The following TNRC6C variants were observed in gnomAD, a reference collection of about 807,000 sequenced individuals.
TNRC6C encodes trinucleotide repeat-containing gene 6C protein.
Under a neutral mutation model 153.7 loss-of-function variants are expected in TNRC6C, and 20 were observed. That is an observed-to-expected ratio of 0.13 (90% CI 0.09 to 0.19). TNRC6C has a LOEUF of 0.19. TNRC6C is among the 10% of genes least tolerant of loss of function. TNRC6C has a pLI of 1.00. For synonymous variants in TNRC6C, 811 were observed against 841.4 expected, an observed-to-expected ratio of 0.96 and a Z score of 0.63; for missense variants, 1,987 against 2,172.0, an observed-to-expected ratio of 0.91 and a Z score of 1.69.
chr17:77,976,663 T>G (rs896941923), intron 1 of TNRC6C, among the ~76,000 whole-genome samples: 6 of 152,126 alleles, frequency 3.9e-5, no homozygotes, highest in African/African-American at 1.4e-4. Context: ...ATACGGTGGC[T>G]CATGCCTGTA....
At chr17:78,102,270 G>A (rs1026190532) in intron 17 of TNRC6C, among the ~76,000 whole-genome samples, 3 of 152,160 alleles carry the variant, frequency 2.0e-5, no homozygotes, top group East Asian at 1.9e-4. Context: ...GAGTCACCAC[G>A]GGGAAGTGGG....
chr17:78,108,152 T>C (rs2073737780), exon 20 of TNRC6C: 1 of 152,290 alleles, frequency 6.6e-6, no homozygotes, highest in African/African-American at 2.4e-5. Context: ...CAAGGATCTT[T>C]TTTCTGTCTG....
Position 78,082,840 on chromosome 17 carries a change from C to T in TNRC6C, c.3358-207C>T, listed in dbSNP as rs567009128. On this transcript the variant is annotated intron_variant, in intron 10 of 19. Transcript: ENST00000301624. ...GCGCTGTTGGCTCATTCTGGCAGCCCAACCTTGCATTGTCTTTACACAGTC... is the reference window on the plus strand; with the variant it reads ...GCGCTGTTGGCTCATTCTGGCAGCCTAACCTTGCATTGTCTTTACACAGTC... 6.6e-5 allele frequency among the ~76,000 whole-genome samples: 10 copies of T among 152,184 alleles called. No homozygotes were observed. In the East Asian group the frequency reaches 1.5e-3, roughly 23 times the overall value.
intron 1 of TNRC6C, among the ~76,000 whole-genome samples, chr17:77,978,984 T>C (rs183331341): frequency 1.2e-4 from 19 of 152,292 alleles, no homozygotes; most frequent in Admixed American, 7.8e-4. Context: ...CACAGTTTTG[T>C]GCATGCAAGA....
At chr17:78,082,962 C>A in intron 10 of TNRC6C, 85 bp from the exon 13 acceptor site, 1 of 1,502,856 alleles carries the variant, frequency 6.7e-7, no homozygotes. Context: ...ATCATTTAAT[C>A]ATTTTTGAAT....
intron 1 of TNRC6C, among the ~76,000 whole-genome samples, chr17:78,019,147 T>C (rs572202017): frequency 6.6e-6 from 1 of 152,188 alleles, no homozygotes; most frequent in East Asian, 1.9e-4. Flanking sequence ...CTGAGCATGA[T>C]GAGACTCAAG....
chr17:78,053,770 A>G (rs532883702), intron 3 of TNRC6C, among the ~76,000 whole-genome samples: 1 of 152,178 alleles, frequency 6.6e-6, no homozygotes, highest in Admixed American at 6.5e-5. Flanking sequence ...GAGAGCCCCC[A>G]CCTGTAATCC....
At chr17:78,064,791 C>T (rs1285547052) in exon 4 of TNRC6C, 7 of 1,613,818 alleles carry the variant, frequency 4.3e-6, no homozygotes, top group African/African-American at 1.3e-5. Context: ...GAACCATCCT[C>T]CCCTTCTACC....
At chr17:77,963,577 C>T (rs763116780) in intron 1 of TNRC6C, among the ~76,000 whole-genome samples, 1 of 152,200 alleles carries the variant, frequency 6.6e-6, no homozygotes, top group South Asian at 2.1e-4. Flanking sequence ...ATGCATTCCT[C>T]CTCTGTAGCC....
At chr17:78,067,669 C>T in intron 4 of TNRC6C, 88 bp from the exon 7 acceptor site, 1 of 1,401,656 alleles carries the variant, frequency 7.1e-7, no homozygotes, top group Non-Finnish European at 9.5e-7. Context: ...ATCATTTGTC[C>T]CACGACCCCT....
At chr17:78,044,895 C>T (rs978140063) in intron 2 of TNRC6C, among the ~76,000 whole-genome samples, 9 of 152,242 alleles carry the variant, frequency 5.9e-5, no homozygotes, top group Middle Eastern at 3.4e-3. Flanking sequence ...GGAACAAAAA[C>T]GTCCCAAATT....
intron 1 of TNRC6C, among the ~76,000 whole-genome samples, chr17:78,012,238 T>C (rs1323339855): frequency 6.6e-6 from 1 of 152,164 alleles, no homozygotes; most frequent in Non-Finnish European, 1.5e-5. Context: ...AGATGGCTAG[T>C]TAATTCATTA....
Position 77,983,529 on chromosome 17 carries a change from A to G in TNRC6C, c.-37-20641A>G, listed in dbSNP as rs1456181697. Reference sequence around the variant, plus strand: ...ATGAAAAACTGCAGTACTCAAGAAAAGGCAGGTCTGTTGAGGAGTCACATG... The same window carrying G: ...ATGAAAAACTGCAGTACTCAAGAAAGGGCAGGTCTGTTGAGGAGTCACATG... On this transcript the variant is annotated intron_variant, in intron 1 of 22. Transcript: ENST00000636222. Among the ~76,000 whole-genome samples the G allele has an allele frequency of 2.6e-5, 4 of 152,164 alleles. No individual in the cohort carries two copies. The East Asian group carries it at 7.7e-4, about 29-fold the overall frequency.
intron 3 of TNRC6C, among the ~76,000 whole-genome samples, chr17:78,059,966 G>A (rs537527992): frequency 3.4e-4 from 52 of 152,196 alleles, no homozygotes; most frequent in African/African-American, 1.2e-3. Context: ...GTATAAGATG[G>A]TTTTCCTTTT....
At chr17:78,047,888 C>G (rs1304915858) in intron 2 of TNRC6C, among the ~76,000 whole-genome samples, 1 of 152,118 alleles carries the variant, frequency 6.6e-6, no homozygotes, top group East Asian at 1.9e-4. Context: ...AGTTTGACTG[C>G]AATGTTGGAA....
chr17:78,072,470 G>A (rs1027397948), intron 6 of TNRC6C, among the ~76,000 whole-genome samples: 1 of 152,140 alleles, frequency 6.6e-6, no homozygotes, highest in Non-Finnish European at 1.5e-5. Context: ...GGCCTCACTG[G>A]GACAGGAATC....
chr17:78,018,540 T>TG lies in TNRC6C; in HGVS notation c.-545-12969dup, dbSNP rs773949350. 9.1e-4 allele frequency among the ~76,000 whole-genome samples: 139 copies of TG among 152,056 alleles called. 1 individual carries two copies. Among genetic ancestry groups the TG allele is most frequent in the Middle Eastern group, 3.4e-3 (1 of 294 alleles). On this transcript the variant is annotated intron_variant, in intron 1 of 19. Transcript: ENST00000301624. ...GGATAGGTGGGGATATTGACATGTT[T>TG]GGGGGGGTGGAGCAAATGGTAGGCA...
intron 3 of TNRC6C, among the ~76,000 whole-genome samples, chr17:78,060,024 C>A (rs1467390002): frequency 6.6e-6 from 1 of 152,110 alleles, no homozygotes; most frequent in Non-Finnish European, 1.5e-5. Context: ...AGAAGCTGTT[C>A]TAAGGGAAGT....
At chr17:78,017,337 C>A (rs1224169893) in intron 1 of TNRC6C, among the ~76,000 whole-genome samples, 2 of 152,190 alleles carry the variant, frequency 1.3e-5, no homozygotes, top group Non-Finnish European at 1.5e-5. Flanking sequence ...CTGCTCTGTT[C>A]AGACCAGGGT....
Sources: allele counts gnomAD v4.1 joint callset (sites outside exome capture counted in the v4.1 genomes callset), GRCh38; gene constraint gnomAD v4.1.1; transcripts MANE v1.5; gene names NCBI Gene and HGNC (gene_info 2026-07-23, HGNC 2026-07-21).